The following PAPPA variants were observed in gnomAD, a reference collection of about 807,000 sequenced individuals.
The protein encoded by PAPPA is pappalysin 1.
Under a neutral mutation model 164.0 loss-of-function variants are expected in PAPPA, and 60 were observed. The ratio of observed to expected loss-of-function variants is 0.37; its 90% CI spans 0.30 to 0.45. The LOEUF is 0.45. PAPPA is among the 20% of genes least tolerant of loss of function. The probability of loss-of-function intolerance (pLI) is 1.00; values close to 1 mark genes in which losing one functional copy is unlikely to be tolerated. For missense variants in PAPPA, 1,782 were observed against 2,087.3 expected (o/e 0.85, Z 2.85); for synonymous variants, 875 against 814.1 (o/e 1.07, Z -1.27).
chr9:116,350,520 T>C lies in PAPPA; in HGVS notation c.3965-2186T>C, dbSNP rs143307402. Among the ~76,000 whole-genome samples, 256 of 152,348 alleles carry C rather than the reference T, an allele frequency of 1.7e-3. 1 individual carries two copies. The highest frequency in any genetic ancestry group is 5.9e-3 in the African/African-American group (247 of 41,578). On this transcript the variant is annotated intron_variant, in intron 15 of 21. Transcript: ENST00000328252. ...TTCTGGTTTGCATTTTCTCTCTTGA[T>C]TAACATTTTGGAAACTTTATGTTCT...
intron 10 of PAPPA, among the ~76,000 whole-genome samples, chr9:116,326,166 T>A (rs1845918384): frequency 1.3e-5 from 2 of 152,288 alleles, no homozygotes; most frequent in African/African-American, 4.8e-5. Flanking sequence ...TCATCCATCC[T>A]CCAACCTGAG....
intron 1 of PAPPA, among the ~76,000 whole-genome samples, chr9:116,181,143 T>C (rs1335679700): frequency 6.6e-6 from 1 of 152,216 alleles, no homozygotes; most frequent in African/African-American, 2.4e-5. Context: ...GGAGATAAGA[T>C]AGATTTTAGA....
intron 2 of PAPPA, among the ~76,000 whole-genome samples, chr9:116,199,198 C>T (rs111806409): frequency 6.6e-4 from 100 of 152,292 alleles, no homozygotes; most frequent in Non-Finnish European, 1.1e-3. Context: ...GGTCCCATCA[C>T]GATCCAATCC....
intron 10 of PAPPA, among the ~76,000 whole-genome samples, chr9:116,303,503 A>G (rs1845606524): frequency 6.6e-6 from 1 of 152,136 alleles, no homozygotes; most frequent in African/African-American, 2.4e-5. Flanking sequence ...TTCTTCCCCA[A>G]GGGACTGACA....
chr9:116,215,225 G>A (rs758170004), intron 4 of PAPPA, among the ~76,000 whole-genome samples: 4 of 151,988 alleles, frequency 2.6e-5, no homozygotes, highest in African/African-American at 9.7e-5. Context: ...TTTGATCTTC[G>A]GCAGTTTACT....
Position 116,188,225 on chromosome 9 carries a change from T to C in PAPPA, c.1478+9T>C, listed in dbSNP as rs779182889. 1 of 1,588,884 alleles carries C rather than the reference T, an allele frequency of 6.3e-7. No individual in the cohort carries two copies. The highest frequency in any genetic ancestry group is 1.1e-5 in the South Asian group (1 of 89,606). ...CCCGACTCTCCACACAGGTAAGACC[T>C]TACTGGGCTAAAGATGCCCAGTTGA... is the stretch of plus-strand genomic sequence containing the variant. On this transcript the variant is annotated intron_variant, in intron 2 of 21. Coordinates refer to ENST00000328252, the MANE Select transcript of PAPPA (RefSeq NM_002581.5).
intron 7 of PAPPA, among the ~76,000 whole-genome samples, chr9:116,237,877 G>A (rs571772863): frequency 1.3e-5 from 2 of 151,842 alleles, no homozygotes; most frequent in African/African-American, 2.4e-5. Context: ...GCACCACCAC[G>A]CTGGGCTAAT....
intron 1 of PAPPA, among the ~76,000 whole-genome samples, chr9:116,173,513 C>T (rs551096695): frequency 6.6e-6 from 1 of 152,286 alleles, no homozygotes; most frequent in Non-Finnish European, 1.5e-5. Flanking sequence ...TCATTCTTTT[C>T]TATGGAAGAA....
At chr9:116,246,164 A>G (rs1390865725) in intron 7 of PAPPA, among the ~76,000 whole-genome samples, 1 of 152,202 alleles carries the variant, frequency 6.6e-6, no homozygotes, top group Non-Finnish European at 1.5e-5. Context: ...GGAAAAATGT[A>G]ATAGGTCTTT....
intron 9 of PAPPA, among the ~76,000 whole-genome samples, chr9:116,283,621 G>A (rs570022971): frequency 1.3e-5 from 2 of 152,286 alleles, no homozygotes; most frequent in East Asian, 3.9e-4. Context: ...GACCCAAAGA[G>A]AAATCAGGGT....
rs567902109 is a variant in PAPPA, at chr9:116,287,302, T to C, written c.2954-15455T>C. ...TTAACTGGGGAAGCGGATGATGGTA[T>C]AGGAAGACCTAGTGAGGGTCCATTA... On this transcript the variant is annotated intron_variant, in intron 9 of 21. Coordinates refer to ENST00000328252, the MANE Select transcript of PAPPA (RefSeq NM_002581.5). 5 of 152,330 alleles carry C rather than the reference T, an allele frequency of 3.3e-5. No individual in the cohort carries two copies. The East Asian group carries it at 7.7e-4, about 24-fold the overall frequency. 9.4% of individuals were successfully genotyped at this position (152,330 alleles called of 1,614,324 possible).
chr9:116,154,481 C>A lies in PAPPA; in HGVS notation c.309C>A (p.Gly103=), dbSNP rs1429426092. The part of the protein sequence containing the change: ...PSRALYFSGR[G]EQLRLRADLE... The stretch of plus-strand genomic sequence containing the variant: ...GGGCGCTCTATTTCAGCGGGCGAGG[C>A]GAGCAGCTGCGCCTCCGGGCCGACC... Residue 103 remains glycine (G), a synonymous_variant, in exon 1 of 22, where the codon GGC becomes GGA. Transcript: ENST00000328252. The surrounding 1 kb of genome is among the most constrained non-coding windows in gnomAD (Gnocchi z 5.2). 44 of 1,304,816 alleles carry A rather than the reference C, an allele frequency of 3.4e-5. No homozygotes were observed. The highest frequency in any genetic ancestry group is 6.3e-5 in the East Asian group (2 of 31,900). 80.8% of individuals were successfully genotyped at this position (1,304,816 alleles called of 1,614,324 possible). A position where few individuals can be genotyped will look rare whatever the true frequency, so the allele number is the denominator to read the frequency against.
Position 116,377,623 on chromosome 9 carries a change from G to T in PAPPA, c.4653G>T (p.Leu1551=), listed in dbSNP as rs147674907. 2 of 1,613,668 alleles carry T rather than the reference G, an allele frequency of 1.2e-6. No homozygotes were observed. The highest frequency in any genetic ancestry group is 2.7e-5 in the African/African-American group (2 of 74,906). Residue 1551 remains leucine (L), a synonymous_variant, in exon 20 of 22, where the codon CTG becomes CTT. Transcript: ENST00000328252. ...TCAAGTGGTATCCTCACCCTGCTCT[G>T]ATTCACTGTGTCAAAGGCTGTGAGG... The part of the protein sequence containing the change: ...AGLKWYPHPA[L]IHCVKGCEPF...
chr9:116,278,521 A>T (rs1272494089), intron 9 of PAPPA, among the ~76,000 whole-genome samples: 1 of 152,214 alleles, frequency 6.6e-6, no homozygotes, highest in African/African-American at 2.4e-5. Flanking sequence ...GTCATGAAAC[A>T]ACAATTTTCA....
chr9:116,345,468 TTTTG>T (rs1051564312), intron 14 of PAPPA, among the ~76,000 whole-genome samples: 8 of 152,088 alleles, frequency 5.3e-5, no homozygotes, highest in Non-Finnish European at 1.2e-4. Flanking sequence ...CCACAGATTT[TTTTG>T]TTTGTTTGTT....
At chr9:116,335,679 A>T (rs1846052385) in intron 13 of PAPPA, among the ~76,000 whole-genome samples, 1 of 152,202 alleles carries the variant, frequency 6.6e-6, no homozygotes, top group East Asian at 1.9e-4. Context: ...TGGAGCTACA[A>T]GCGAGTGGAG....
At chr9:116,212,882 C>T (rs1844325714) in intron 4 of PAPPA, among the ~76,000 whole-genome samples, 1 of 152,170 alleles carries the variant, frequency 6.6e-6, no homozygotes. Flanking sequence ...CTTTAATATG[C>T]TCTCTCTCAT....
intron 9 of PAPPA, among the ~76,000 whole-genome samples, chr9:116,277,215 G>A (rs771403396): frequency 6.6e-6 from 1 of 152,074 alleles, no homozygotes; most frequent in Non-Finnish European, 1.5e-5. Context: ...AACTTCTCCA[G>A]ACTGCATGTA....
chr9:116,216,604 G>A (rs190391702), intron 4 of PAPPA, among the ~76,000 whole-genome samples: 1 of 152,256 alleles, frequency 6.6e-6, no homozygotes, highest in East Asian at 1.9e-4. Context: ...GAAGCCAAGT[G>A]GGACTGACTC....
Sources: allele counts gnomAD v4.1 joint callset (sites outside exome capture counted in the v4.1 genomes callset), GRCh38; gene constraint gnomAD v4.1.1; non-coding constraint Gnocchi (gnomAD v3.1); transcripts MANE v1.5; gene names NCBI Gene and HGNC (gene_info 2026-07-23, HGNC 2026-07-21).